NPAS3: variants seen among roughly 807,000 people sequenced by gnomAD.
NPAS3 encodes the protein neuronal PAS domain-containing protein 3.
Under a neutral mutation model 73.1 loss-of-function variants are expected in NPAS3, and 14 were observed. That is an observed-to-expected ratio of 0.19 (90% confidence interval 0.13 to 0.30). The LOEUF is 0.30. NPAS3 is among the 10% of genes least tolerant of loss of function. NPAS3 has a pLI of 1.00. For missense variants in NPAS3, 1,096 were observed against 1,250.0 expected, an observed-to-expected ratio of 0.88 and a Z score of 1.86; for synonymous variants, 620 against 541.5, an observed-to-expected ratio of 1.14 and a Z score of -2.01.
intron 5 of NPAS3, among the ~76,000 whole-genome samples, chr14:33,564,625 A>T (rs2055833732): frequency 6.6e-6 from 1 of 152,166 alleles, no homozygotes; most frequent in African/African-American, 2.4e-5. Flanking sequence ...CACATCCTGC[A>T]TTTTCTTCTA....
chr14:33,136,050 C>T (rs2043818568), intron 2 of NPAS3, among the ~76,000 whole-genome samples: 1 of 145,478 alleles, frequency 6.9e-6, no homozygotes. Context: ...GCAATAACTA[C>T]CTTTTTTCTT....
At chr14:33,584,268 C>T (rs923608024) in intron 5 of NPAS3, among the ~76,000 whole-genome samples, 4 of 151,840 alleles carry the variant, frequency 2.6e-5, no homozygotes, top group Non-Finnish European at 4.4e-5. Context: ...AATTGATTGC[C>T]GGTATAATCC....
intron 1 of NPAS3, among the ~76,000 whole-genome samples, chr14:33,041,853 G>T (rs1006750576): frequency 2.6e-5 from 4 of 152,126 alleles, no homozygotes; most frequent in African/African-American, 9.7e-5. Flanking sequence ...GGGAGCAGGT[G>T]GTTAGTTAGG....
chr14:33,434,677 G>A (rs990128922), intron 4 of NPAS3, among the ~76,000 whole-genome samples: 11 of 152,060 alleles, frequency 7.2e-5, no homozygotes, highest in Admixed American at 7.2e-4. Flanking sequence ...TTTGAACACT[G>A]TTTTTAAAAA....
At chr14:33,314,921 A>T (rs965383229) in intron 3 of NPAS3, among the ~76,000 whole-genome samples, 1 of 152,148 alleles carries the variant, frequency 6.6e-6, no homozygotes, top group African/African-American at 2.4e-5. Context: ...CTGATAAAAA[A>T]TAGAAACCAA....
intron 4 of NPAS3, among the ~76,000 whole-genome samples, chr14:33,546,807 A>G (rs1351916765): frequency 6.6e-6 from 1 of 152,192 alleles, no homozygotes; most frequent in Non-Finnish European, 1.5e-5. Flanking sequence ...ATTATACAGT[A>G]TTGAGATTAA....
At chr14:32,954,316 G>A (rs1313341819) in intron 1 of NPAS3, among the ~76,000 whole-genome samples, 90 of 152,006 alleles carry the variant, frequency 5.9e-4, no homozygotes, top group Admixed American at 5.9e-3. Flanking sequence ...AAGCATGCTC[G>A]CTTCCTGGTT....
intron 4 of NPAS3, among the ~76,000 whole-genome samples, chr14:33,507,389 A>C (rs1045530617): frequency 2.6e-5 from 4 of 152,086 alleles, no homozygotes; most frequent in Non-Finnish European, 4.4e-5. Context: ...ACAGCAGGAC[A>C]TTCAAGTAAA....
intron 3 of NPAS3, among the ~76,000 whole-genome samples, chr14:33,334,904 G>A (rs1391979238): frequency 6.6e-6 from 1 of 152,100 alleles, no homozygotes; most frequent in Non-Finnish European, 1.5e-5. Context: ...CCGCATGTGA[G>A]TGAGAATATG....
At chr14:33,230,838 G>T (rs1330300529) in intron 3 of NPAS3, among the ~76,000 whole-genome samples, 1 of 152,136 alleles carries the variant, frequency 6.6e-6, no homozygotes, top group Non-Finnish European at 1.5e-5. Context: ...TATTAAACCA[G>T]GGGTATTTTT....
intron 3 of NPAS3, among the ~76,000 whole-genome samples, chr14:33,352,049 A>C (rs2045089105): frequency 6.6e-6 from 1 of 152,066 alleles, no homozygotes; most frequent in Admixed American, 6.5e-5. Context: ...GTGTTAAAAA[A>C]AAAACATCTG....
intron 4 of NPAS3, among the ~76,000 whole-genome samples, chr14:33,533,411 G>A (rs917892651): frequency 6.6e-6 from 1 of 152,114 alleles, no homozygotes; most frequent in Non-Finnish European, 1.5e-5. Flanking sequence ...TAAATTAACA[G>A]CAGTGACAGA....
chr14:33,212,285 G>T (rs1022659187), intron 2 of NPAS3, among the ~76,000 whole-genome samples: 19 of 152,080 alleles, frequency 1.2e-4, no homozygotes, highest in Admixed American at 1.3e-4. Context: ...CAGACACAGT[G>T]ATATCATTCT....
chr14:33,674,302 A>G (rs944246220), intron 5 of NPAS3, among the ~76,000 whole-genome samples: 1 of 152,180 alleles, frequency 6.6e-6, no homozygotes, highest in African/African-American at 2.4e-5. Context: ...ATGCACATTG[A>G]AGTATTAAAG....
chr14:33,748,693 A>G (rs180670709), intron 7 of NPAS3, among the ~76,000 whole-genome samples: 24 of 152,282 alleles, frequency 1.6e-4, no homozygotes, highest in African/African-American at 5.3e-4. Flanking sequence ...CTGGGCCTCT[A>G]TTTCCTTGAT....
chr14:33,497,018 A>G (rs919072524), intron 4 of NPAS3, among the ~76,000 whole-genome samples: 1 of 152,190 alleles, frequency 6.6e-6, no homozygotes, highest in Non-Finnish European at 1.5e-5. Flanking sequence ...TACAAAATCA[A>G]TGTGCAAAAA....
At chr14:33,405,944 A>G (rs1016933744) in intron 4 of NPAS3, among the ~76,000 whole-genome samples, 1 of 152,116 alleles carries the variant, frequency 6.6e-6, no homozygotes, top group Non-Finnish European at 1.5e-5. Flanking sequence ...GTATTAGCTT[A>G]TGCCCTGAGG....
At chr14:33,652,408 G>T (rs527626813) in intron 5 of NPAS3, among the ~76,000 whole-genome samples, 2 of 152,272 alleles carry the variant, frequency 1.3e-5, no homozygotes, top group South Asian at 4.2e-4. Flanking sequence ...GCACTAGTTA[G>T]CACAGATGAC....
In NPAS3 at chr14:33,310,759, TG is replaced by T. The variant is rs201265794; in HGVS notation, c.386-56426del. Among the ~76,000 whole-genome samples the T allele has an allele frequency of 6.6e-3, 993 of 149,812 alleles. 3 individuals are homozygous for T. The highest frequency in any genetic ancestry group is 0.017 in the Middle Eastern group (5 of 286). ...CGGATGGTGTTGTGTACCATGGAGT[TG>T]ACTGAAATTCAGTAGAATGAAATGT... On this transcript the variant is annotated intron_variant, in intron 3 of 11. Transcript: ENST00000356141.
Sources: gnomAD v4.1 joint callset for allele counts (sites outside exome capture counted in the v4.1 genomes callset) on GRCh38, gnomAD v4.1.1 for gene constraint, MANE v1.5 for transcripts, NCBI Gene and HGNC (gene_info 2026-07-23, HGNC 2026-07-21) for gene names.